The following RIMS2 variants were observed in gnomAD, a reference collection of about 807,000 sequenced individuals.
The protein encoded by RIMS2 is regulating synaptic membrane exocytosis 2.
Under a neutral mutation model 174.4 loss-of-function variants are expected in RIMS2, and 59 were observed. The ratio of observed to expected loss-of-function variants is 0.34; its 90% CI spans 0.27 to 0.42. The LOEUF is 0.42. Ranked by LOEUF, RIMS2 falls within the 10% of genes least tolerant of loss-of-function variation. RIMS2 has a pLI of 1.00. For synonymous variants in RIMS2, 606 were observed against 572.5 expected, an observed-to-expected ratio of 1.06 and a Z score of -0.84; for missense variants, 1,620 against 1,666.3, an observed-to-expected ratio of 0.97 and a Z score of 0.48.
intron 2 of RIMS2, among the ~76,000 whole-genome samples, chr8:103,714,160 G>A (rs2097341471): frequency 6.6e-6 from 1 of 152,026 alleles, no homozygotes; most frequent in South Asian, 2.1e-4. Flanking sequence ...GACTGCTGTA[G>A]GCTTCTATGT....
chr8:103,736,573 C>T (rs1226108701), intron 2 of RIMS2, among the ~76,000 whole-genome samples: 4 of 152,108 alleles, frequency 2.6e-5, no homozygotes, highest in African/African-American at 9.7e-5. Context: ...TAATTTTGGT[C>T]TATTATGTCC....
rs148890160 is a variant in RIMS2 at position 103,837,573 on chromosome 8, C to T, written c.699-47725C>T. Among the ~76,000 whole-genome samples the T allele has an allele frequency of 6.2e-3, 941 of 152,262 alleles. 5 individuals carry two copies. Among genetic ancestry groups the T allele is most frequent in the Non-Finnish European group, 0.011 (734 of 68,016 alleles). On this transcript the variant is annotated intron_variant, in intron 3 of 23. Transcript: ENST00000504942. ...TCCCCTTCCTGTGTCCATGTGTTCT[C>T]ATTGTTCAATTCCCACCTATGAGTG...
intron 3 of RIMS2, among the ~76,000 whole-genome samples, chr8:103,839,673 A>G (rs930284806): frequency 1.3e-5 from 2 of 152,194 alleles, no homozygotes; most frequent in Admixed American, 6.5e-5. Context: ...GATAGCCTGC[A>G]TATGTACTGC....
chr8:103,798,054 T>A (rs2098565049), intron 3 of RIMS2, among the ~76,000 whole-genome samples: 1 of 152,168 alleles, frequency 6.6e-6, no homozygotes, highest in Admixed American at 6.6e-5. Context: ...GGAATCATAC[T>A]GCAGCAAATA....
intron 2 of RIMS2, among the ~76,000 whole-genome samples, chr8:103,752,759 C>T (rs1447544612): frequency 6.6e-6 from 1 of 152,104 alleles, no homozygotes; most frequent in East Asian, 1.9e-4. Context: ...TATAAGCATG[C>T]TTGTGATTTT....
intron 19 of RIMS2, among the ~76,000 whole-genome samples, chr8:104,072,450 A>G (rs2097211917): frequency 1.3e-5 from 2 of 152,126 alleles, no homozygotes; most frequent in African/African-American, 4.8e-5. Context: ...AGATATAGAA[A>G]GGTTATGTAA....
At chr8:103,856,238 G>A (rs1324473026) in intron 3 of RIMS2, among the ~76,000 whole-genome samples, 1 of 152,092 alleles carries the variant, frequency 6.6e-6, no homozygotes, top group Non-Finnish European at 1.5e-5. Flanking sequence ...CCATTTGGGT[G>A]GTAAATCTTA....
rs1263217149 is a variant in RIMS2 at position 103,741,861 on chromosome 8, C to A, written c.388-24366C>A. ...TGGTCCTGTTGTCAAACCAATCAGCCACATGAAACTTTCTGTCAGAGAAAG... is the reference window on the plus strand; with the variant it reads ...TGGTCCTGTTGTCAAACCAATCAGCAACATGAAACTTTCTGTCAGAGAAAG... On this transcript the variant is annotated intron_variant, in intron 2 of 23. Coordinates refer to ENST00000504942, the Ensembl canonical transcript of RIMS2. Among the ~76,000 whole-genome samples the A allele has an allele frequency of 3.3e-5, 5 of 152,016 alleles. No individual in the cohort carries two copies. In the East Asian group the frequency reaches 9.6e-4, roughly 29 times the overall value.
At chr8:104,056,673 A>AG (rs1449866584) in intron 19 of RIMS2, among the ~76,000 whole-genome samples, 3 of 152,110 alleles carry the variant, frequency 2.0e-5, no homozygotes, top group Admixed American at 2.0e-4. Context: ...CTTGAGCCCA[A>AG]GAATTTGAGA....
chr8:103,869,961 C>T (rs555740321), intron 3 of RIMS2, among the ~76,000 whole-genome samples: 2 of 152,194 alleles, frequency 1.3e-5, no homozygotes, highest in East Asian at 1.9e-4. Context: ...TTGCCTTTAT[C>T]TCTGTTCAGA....
At chr8:103,689,283 T>A (rs935735752) in intron 1 of RIMS2, among the ~76,000 whole-genome samples, 8 of 152,178 alleles carry the variant, frequency 5.3e-5, no homozygotes, top group African/African-American at 1.4e-4. Context: ...ACTTATGGTC[T>A]GCCCTTGAGA....
intron 1 of RIMS2, among the ~76,000 whole-genome samples, chr8:103,639,985 G>T (rs574510884): frequency 1.3e-5 from 2 of 151,774 alleles, no homozygotes; most frequent in African/African-American, 2.4e-5. Flanking sequence ...ACATACTTCC[G>T]TATTTATTTA....
chr8:104,210,967 T>C (rs1168442711), intron 19 of RIMS2, among the ~76,000 whole-genome samples: 1 of 152,218 alleles, frequency 6.6e-6, no homozygotes, highest in Non-Finnish European at 1.5e-5. Flanking sequence ...CATTATAGGC[T>C]TAAAACTTAA....
chr8:103,683,125 A>T (rs2096899861), intron 1 of RIMS2, among the ~76,000 whole-genome samples: 1 of 152,086 alleles, frequency 6.6e-6, no homozygotes, highest in African/African-American at 2.4e-5. Context: ...ATTTTGTGTT[A>T]TTTTAATGGA....
At chr8:104,230,032 C>A (rs1284701735) in intron 19 of RIMS2, among the ~76,000 whole-genome samples, 1 of 152,088 alleles carries the variant, frequency 6.6e-6, no homozygotes, top group Non-Finnish European at 1.5e-5. Flanking sequence ...GTAATCCCAG[C>A]ACTTTGGGAG....
chr8:103,518,093 G>A (rs200481508), intron 1 of RIMS2, among the ~76,000 whole-genome samples: 1 of 152,036 alleles, frequency 6.6e-6, no homozygotes, highest in Non-Finnish European at 1.5e-5. Context: ...GTAGCAAAAT[G>A]GTGGGTATCA....
At chr8:103,701,582 C>T (rs770170037) in intron 2 of RIMS2, among the ~76,000 whole-genome samples, 2 of 152,076 alleles carry the variant, frequency 1.3e-5, no homozygotes, top group Non-Finnish European at 2.9e-5. Context: ...TTCCCGCTTC[C>T]TCCTACCCTT....
At chr8:103,890,704 C>T (rs774811106) in intron 4 of RIMS2, among the ~76,000 whole-genome samples, 6 of 151,334 alleles carry the variant, frequency 4.0e-5, no homozygotes, top group Non-Finnish European at 8.8e-5. Context: ...TTGTTTTTTG[C>T]CTTTGGGCTA....
In RIMS2 at chr8:104,084,718, T is replaced by C. The variant is rs1349461690; in HGVS notation, c.3334+70103T>C. 2.6e-5 allele frequency among the ~76,000 whole-genome samples: 4 copies of C among 152,192 alleles called. No homozygotes were observed. The South Asian group carries it at 6.2e-4, about 24-fold the overall frequency. On this transcript the variant is annotated intron_variant, in intron 19 of 23. Transcript: ENST00000504942. Reference sequence around the variant, plus strand: ...TAGTATCATAATGTACAGTTTCTTTTATTTCATCATGGACTATGCCTAGTT... The same window carrying C: ...TAGTATCATAATGTACAGTTTCTTTCATTTCATCATGGACTATGCCTAGTT...
Sources: allele counts gnomAD v4.1 joint callset (sites outside exome capture counted in the v4.1 genomes callset), GRCh38; gene constraint gnomAD v4.1.1; transcripts MANE v1.5; gene names NCBI Gene and HGNC (gene_info 2026-07-23, HGNC 2026-07-21).